Variants in PGAM5 observed in about 807,000 individuals in gnomAD.
PGAM5 encodes PGAM family member 5, mitochondrial serine/threonine protein phosphatase.
In PGAM5, 25 loss-of-function variants were observed where a neutral mutation model predicts 30.6. The ratio of observed to expected loss-of-function variants is 0.82; its 90% CI spans 0.60 to 1.14. PGAM5 has a LOEUF of 1.14. Ranked by LOEUF, PGAM5 falls within the 50% of genes most tolerant of loss-of-function variation. The pLI, the probability that PGAM5 is intolerant of heterozygous loss-of-function variation, is 0.00. For synonymous variants in PGAM5, 201 were observed against 179.1 expected (o/e 1.12, Z -0.98); for missense variants, 384 against 408.5 (o/e 0.94, Z 0.52).
rs188119434 is a variant in PGAM5, at chr12:132,716,719, A to T, written c.371-720A>T. Among the ~76,000 whole-genome samples, 216 of 152,326 alleles carry T rather than the reference A, an allele frequency of 1.4e-3. 1 individual carries two copies. The highest frequency in any genetic ancestry group is 5.1e-3 in the African/African-American group (213 of 41,574). On this transcript the variant is annotated intron_variant, in intron 2 of 5. Transcript: ENST00000498926. ...GGAAATGCAGGGTGGGCTAAGGTAGAGTTTACATTTTGAAAAGTTCTTCGA... is the reference window on the plus strand; with the variant it reads ...GGAAATGCAGGGTGGGCTAAGGTAGTGTTTACATTTTGAAAAGTTCTTCGA...
At chr12:132,718,271 G>A (rs2043603823) in intron 5 of PGAM5, 151 bp downstream of exon 5, 1 of 1,017,374 alleles carries the variant, frequency 9.8e-7, no homozygotes, top group South Asian at 1.6e-5. Context: ...GCGAGTCCTA[G>A]TCAGTTACGC....
At chr12:132,719,232 T>G in intron 5 of PGAM5, 1 of 1,137,352 alleles carries the variant, frequency 8.8e-7, no homozygotes, top group Non-Finnish European at 1.1e-6. Flanking sequence ...GGGGCCCTCT[T>G]GAGTGTGACG....
chr12:132,720,433 A>C (rs551165928), intron 5 of PGAM5, among the ~76,000 whole-genome samples: 2 of 151,454 alleles, frequency 1.3e-5, no homozygotes, highest in Admixed American at 6.6e-5. Flanking sequence ...TCAGCCTCCC[A>C]AGTAGCTGGG....
chr12:132,718,756 T>C, intron 5 of PGAM5: 11 of 1,613,446 alleles, frequency 6.8e-6, no homozygotes, highest in Non-Finnish European at 9.3e-6. Context: ...TGGATCCCAC[T>C]GGCAGCATCC....
rs75652705 is a variant in PGAM5, at chr12:132,718,183, A to G, written c.719+63A>G. 13,962 of 1,597,348 alleles carry G rather than the reference A, an allele frequency of 8.7e-3. 934 individuals carry two copies. In the African/African-American group the frequency reaches 0.15, roughly 17 times the overall value. ...TTCAGACTTAGAGAAAAGCATGAGG[A>G]AGAAGCCGAGCGAGACCCTCCTCCA... On this transcript the variant is annotated intron_variant, in intron 5 of 5. Transcript: ENST00000498926.
intron 2 of PGAM5, among the ~76,000 whole-genome samples, chr12:132,716,782 A>T (rs1394400315): frequency 6.6e-6 from 1 of 152,240 alleles, no homozygotes; most frequent in African/African-American, 2.4e-5. Context: ...CTAAAAGTTC[A>T]GATAGTAAAA....
At chr12:132,713,801 G>A (rs1039793224) in intron 1 of PGAM5, among the ~76,000 whole-genome samples, 2 of 152,006 alleles carry the variant, frequency 1.3e-5, no homozygotes, top group African/African-American at 4.8e-5. Flanking sequence ...CTGAGTAGCC[G>A]GGACTACAGC....
chr12:132,715,567 T>A (rs2043567590), intron 2 of PGAM5, among the ~76,000 whole-genome samples: 1 of 56,692 alleles, frequency 1.8e-5, no homozygotes, highest in Non-Finnish European at 3.4e-5. Flanking sequence ...CGAGACTCCG[T>A]CTCAAAAAAA....
chr12:132,714,746 T>C, intron 1 of PGAM5, 112 bp from the exon 2 acceptor site: 1 of 1,268,552 alleles, frequency 7.9e-7, no homozygotes, highest in Non-Finnish European at 1.1e-6. Flanking sequence ...GGGCCTTGTC[T>C]TCTCTCCATG....
intron 2 of PGAM5, among the ~76,000 whole-genome samples, chr12:132,715,502 C>T (rs1007260007): frequency 4.1e-5 from 6 of 145,734 alleles, no homozygotes; most frequent in South Asian, 2.1e-4. Context: ...ACCCTGGAGG[C>T]GGAGCTTGCA....
chr12:132,712,435 T>C (rs1388962716), intron 1 of PGAM5, among the ~76,000 whole-genome samples: 1 of 152,026 alleles, frequency 6.6e-6, no homozygotes, highest in South Asian at 2.1e-4. Context: ...TAGACTGGAG[T>C]TACATTCTTT....
intron 2 of PGAM5, among the ~76,000 whole-genome samples, chr12:132,716,012 G>A (rs959140429): frequency 1.3e-5 from 2 of 152,148 alleles, no homozygotes; most frequent in Non-Finnish European, 2.9e-5. Context: ...TGTGCCCTCG[G>A]CTGCTCACCT....
intron 1 of PGAM5, among the ~76,000 whole-genome samples, chr12:132,712,446 T>C (rs1054094718): frequency 4.6e-5 from 7 of 152,102 alleles, no homozygotes; most frequent in African/African-American, 1.4e-4. Context: ...TACATTCTTT[T>C]TCCTTCTTTT....
At chr12:132,718,701 G>A (rs535172839) in intron 5 of PGAM5, 18 of 1,566,872 alleles carry the variant, frequency 1.1e-5, no homozygotes, top group East Asian at 9.0e-5. Flanking sequence ...GTAATTGAAC[G>A]TCCTGTTTCC....
In PGAM5 at chr12:132,721,092, A is replaced by G. The variant is rs1003989352; in HGVS notation, c.*264A>G. 3.0e-6 allele frequency: 1 copy of G among 332,450 alleles called. No homozygotes were observed. The highest frequency in any genetic ancestry group is 4.6e-5 in the Admixed American group (1 of 21,974). The allele number at this position is 332,450 out of a possible 1,614,324, so 20.6% of individuals were successfully genotyped here. A position where few individuals can be genotyped will look rare whatever the true frequency, so the allele number is the denominator to read the frequency against. On this transcript the variant is annotated 3_prime_UTR_variant, in exon 6 of 6. Coordinates refer to ENST00000498926, the MANE Select transcript of PGAM5 (RefSeq NM_001170543.2). ...AAGTCAGGCCTGTTGTGGGGACTTG[A>G]AAGAGGCCTGACCCAGACCACCATG...
rs1016819424 is a variant in PGAM5 at position 132,720,862 on chromosome 12, G to A, written c.*34G>A. 3 of 1,527,218 alleles carry A rather than the reference G, an allele frequency of 2.0e-6. No individual in the cohort carries two copies. Among genetic ancestry groups the A allele is most frequent in the Non-Finnish European group, 2.6e-6 (3 of 1,141,220 alleles). The allele number at this position is 1,527,218 out of a possible 1,614,324, so 94.6% of individuals were successfully genotyped here. ...GCCTCTCCTTCCCTCTGTCCTCCCT[G>A]CACAGGCCGCACACACTTAACGTTT... On this transcript the variant is annotated 3_prime_UTR_variant, in exon 6 of 6. Coordinates refer to ENST00000498926, the MANE Select transcript of PGAM5 (RefSeq NM_001170543.2).
At position 132,715,037 on chromosome 12, in the gene PGAM5, G is replaced by T. The variant is rs1277909301; in HGVS notation, c.370+1G>T. 6.2e-7 allele frequency: 1 copy of T among 1,606,816 alleles called. No individual in the cohort carries two copies. Among genetic ancestry groups the T allele is most frequent in the African/African-American group, 1.3e-5 (1 of 74,730 alleles). On this transcript the variant is annotated splice_donor_variant, in intron 2 of 5. Transcript: ENST00000498926. LOFTEE classifies it high-confidence loss of function. ...AAGGACCGCACTCTGACCCCGCTGG[G>T]TATGTGGTGGGTTCAGATCCTCTGT...
Position 132,720,872 on chromosome 12 carries a change from C to T in PGAM5, c.*44C>T. ...CCCTCTGTCCTCCCTGCACAGGCCG[C>T]ACACACTTAACGTTTTGTTCCCAAG... On this transcript the variant is annotated 3_prime_UTR_variant, in exon 6 of 6. Transcript: ENST00000498926. 1 of 1,518,442 alleles carries T rather than the reference C, an allele frequency of 6.6e-7. No homozygotes were observed. The allele number at this position is 1,518,442 out of a possible 1,614,324, so 94.1% of individuals were successfully genotyped here.
At chr12:132,718,186 A>C in intron 5 of PGAM5, 66 bp downstream of exon 5, 1 of 1,589,234 alleles carries the variant, frequency 6.3e-7, no homozygotes, top group Non-Finnish European at 8.6e-7. Context: ...CATGAGGAAG[A>C]AGCCGAGCGA....
Sources: gnomAD v4.1 joint callset for allele counts (sites outside exome capture counted in the v4.1 genomes callset) on GRCh38, gnomAD v4.1.1 for gene constraint, MANE v1.5 for transcripts, NCBI Gene and HGNC (gene_info 2026-07-23, HGNC 2026-07-21) for gene names.